The following FGD5 variants were observed in gnomAD, a reference collection of about 807,000 sequenced individuals.
FGD5 encodes the protein FYVE, RhoGEF and PH domain-containing protein 5.
In FGD5, 28 loss-of-function variants were observed where a neutral mutation model predicts 133.4. The ratio of observed to expected loss-of-function variants is 0.21; its 90% confidence interval spans 0.16 to 0.29. The LOEUF (loss-of-function observed/expected upper bound fraction) is 0.29. FGD5 is among the 10% of genes least tolerant of loss of function. The pLI, the probability that FGD5 is intolerant of heterozygous loss-of-function variation, is 1.00. For synonymous variants in FGD5, 810 were observed against 776.5 expected (o/e 1.04, Z -0.72); for missense variants, 1,858 against 1,895.2 (o/e 0.98, Z 0.36).
intron 16 of FGD5, 141 bp downstream of exon 16, chr3:14,923,316 G>A: frequency 8.6e-7 from 1 of 1,168,016 alleles, no homozygotes; most frequent in South Asian, 1.6e-5. Flanking sequence ...GGAGGAAACA[G>A]AGGTTCGGGC....
intron 4 of FGD5, among the ~76,000 whole-genome samples, chr3:14,892,588 C>A (rs796358916): frequency 6.6e-6 from 1 of 152,090 alleles, no homozygotes; most frequent in Non-Finnish European, 1.5e-5. Flanking sequence ...GAGGCCGAGG[C>A]GGGCAGATCA....
chr3:14,871,357 G>C (rs1223129541), intron 2 of FGD5, among the ~76,000 whole-genome samples: 1 of 152,210 alleles, frequency 6.6e-6, no homozygotes, highest in Non-Finnish European at 1.5e-5. Context: ...ATTAGGCCCA[G>C]TTCCTGCATT....
chr3:14,833,373 C>T (rs1168791298), intron 1 of FGD5, among the ~76,000 whole-genome samples: 3 of 152,186 alleles, frequency 2.0e-5, no homozygotes, highest in Admixed American at 6.5e-5. Flanking sequence ...AAGTTTGAGG[C>T]TTTCTTGTAA....
intron 2 of FGD5, among the ~76,000 whole-genome samples, chr3:14,876,306 G>A (rs1373853935): frequency 6.6e-6 from 1 of 152,176 alleles, no homozygotes; most frequent in Non-Finnish European, 1.5e-5. Flanking sequence ...TTGTGTGACA[G>A]CCTCTGAAAC....
chr3:14,849,183 G>C (rs1343391043), intron 1 of FGD5, among the ~76,000 whole-genome samples: 2 of 152,148 alleles, frequency 1.3e-5, no homozygotes, highest in Admixed American at 6.5e-5. Flanking sequence ...GATTCCCTCT[G>C]CGTCCCCCAT....
At chr3:14,873,664 G>A (rs1009727032) in intron 2 of FGD5, among the ~76,000 whole-genome samples, 2 of 152,030 alleles carry the variant, frequency 1.3e-5, no homozygotes, top group Admixed American at 1.3e-4. Flanking sequence ...GCTGAAAGGA[G>A]CATTTAGAGA....
Sources: allele counts gnomAD v4.1 joint callset (sites outside exome capture counted in the v4.1 genomes callset), GRCh38; gene constraint gnomAD v4.1.1; transcripts MANE v1.5; gene names NCBI Gene and HGNC (gene_info 2026-07-23, HGNC 2026-07-21).